The following XKR9 variants were observed in gnomAD, a reference collection of about 807,000 sequenced individuals.
The protein encoded by XKR9 is XK-related protein 9.
XKR9 carries 32 observed loss-of-function variants against 32.0 expected under a neutral mutation model. That is an observed-to-expected ratio of 1.00 (90% CI 0.76 to 1.34). XKR9 has a LOEUF of 1.34. Among genes scored for constraint, XKR9 ranks in the 40% most tolerant of loss-of-function variants. XKR9 has a pLI of 0.00. For missense variants in XKR9, 546 were observed against 429.7 expected, an observed-to-expected ratio of 1.27 and a Z score of -2.39; for synonymous variants, 168 against 143.4, an observed-to-expected ratio of 1.17 and a Z score of -1.22.
the XKR9 span, among the ~76,000 whole-genome samples, chr8:71,006,151 G>A: frequency 6.6e-6 from 1 of 152,200 alleles, no homozygotes; most frequent in African/African-American, 2.4e-5. Context: ...AAATGGCTGG[G>A]AATTGTTAAT....
chr8:70,719,018 G>T (rs748556162), intron 4 of XKR9, among the ~76,000 whole-genome samples: 2 of 152,146 alleles, frequency 1.3e-5, no homozygotes, highest in Non-Finnish European at 2.9e-5. Context: ...TCTAATTGGT[G>T]TGAGTTGGTA....
chr8:70,957,598 A>C, the XKR9 span, among the ~76,000 whole-genome samples: 1 of 151,998 alleles, frequency 6.6e-6, no homozygotes, highest in Non-Finnish European at 1.5e-5. Context: ...ATGTGTTCTC[A>C]TCATTCAGCT....
At chr8:70,687,571 T>G (rs1819348134) in intron 3 of XKR9, among the ~76,000 whole-genome samples, 1 of 151,930 alleles carries the variant, frequency 6.6e-6, no homozygotes. Context: ...GGCCTCAGTA[T>G]GTTGCCCAGG....
chr8:70,779,207 A>C (rs539321086), intron 2 of XKR9, among the ~76,000 whole-genome samples: 1 of 152,264 alleles, frequency 6.6e-6, no homozygotes, highest in South Asian at 2.1e-4. Flanking sequence ...TTCTCAATAG[A>C]TAATCACGTG....
the XKR9 span, among the ~76,000 whole-genome samples, chr8:70,799,325 T>C: frequency 6.6e-6 from 1 of 152,120 alleles, no homozygotes; most frequent in Non-Finnish European, 1.5e-5. Context: ...TGAATGAGAT[T>C]GCATTTATTT....
At chr8:70,726,878 G>GCTC (rs1486482734) in intron 4 of XKR9, among the ~76,000 whole-genome samples, 15 of 152,154 alleles carry the variant, frequency 9.9e-5, no homozygotes, top group African/African-American at 3.4e-4. Context: ...CAATGCTCCT[G>GCTC]CTCCTCCTCT....
At chr8:70,939,112 G>C in the XKR9 span, among the ~76,000 whole-genome samples, 1 of 152,068 alleles carries the variant, frequency 6.6e-6, no homozygotes, top group East Asian at 1.9e-4. Flanking sequence ...ACTGACATGA[G>C]GGTGCCTGCT....
chr8:71,035,996 T>A, the XKR9 span, among the ~76,000 whole-genome samples: 1 of 152,106 alleles, frequency 6.6e-6, no homozygotes, highest in Non-Finnish European at 1.5e-5. Flanking sequence ...TACCATTAGA[T>A]CATACTCTTT....
chr8:70,981,441 T>C, the XKR9 span, among the ~76,000 whole-genome samples: 1 of 152,138 alleles, frequency 6.6e-6, no homozygotes, highest in African/African-American at 2.4e-5. Context: ...GCTGAGACTT[T>C]CCAGGGCATT....
At chr8:71,027,785 G>T in the XKR9 span, among the ~76,000 whole-genome samples, 995 of 149,902 alleles carry the variant, frequency 6.6e-3, 11 homozygotes, top group South Asian at 0.033. Context: ...TTGGCGGGGG[G>T]GGGGGGTCTC....
At chr8:70,948,212 C>T in the XKR9 span, among the ~76,000 whole-genome samples, 1 of 151,816 alleles carries the variant, frequency 6.6e-6, no homozygotes, top group Non-Finnish European at 1.5e-5. Context: ...TGAATCACAA[C>T]AGGCATCATT....
chr8:70,702,409 A>T (rs1805570697), intron 3 of XKR9, among the ~76,000 whole-genome samples: 1 of 152,152 alleles, frequency 6.6e-6, no homozygotes, highest in African/African-American at 2.4e-5. Context: ...TCAGTTATTG[A>T]ACGTAATGTT....
chr8:70,981,514 C>T, the XKR9 span, among the ~76,000 whole-genome samples: 1 of 152,038 alleles, frequency 6.6e-6, no homozygotes, highest in Non-Finnish European at 1.5e-5. Flanking sequence ...TTTATGCTAT[C>T]TATTTCACTG....
chr8:70,793,307 T>C (rs531158347), downstream of XKR9, among the ~76,000 whole-genome samples: 8 of 152,020 alleles, frequency 5.3e-5, no homozygotes, highest in Non-Finnish European at 1.2e-4. Flanking sequence ...TAAGAAGTGA[T>C]TGGGTCATGA....
chr8:70,879,090 A>T, the XKR9 span, among the ~76,000 whole-genome samples: 1 of 152,232 alleles, frequency 6.6e-6, no homozygotes, highest in Non-Finnish European at 1.5e-5. Flanking sequence ...AGAAATAAAG[A>T]TGCTCTTTGA....
chr8:71,008,427 G>T, the XKR9 span, among the ~76,000 whole-genome samples: 1 of 152,136 alleles, frequency 6.6e-6, no homozygotes, highest in Non-Finnish European at 1.5e-5. Flanking sequence ...CTATAAGTTT[G>T]CTGTCATTCT....
the XKR9 span, among the ~76,000 whole-genome samples, chr8:71,010,868 G>A: frequency 6.6e-6 from 1 of 152,172 alleles, no homozygotes; most frequent in Admixed American, 6.5e-5. Flanking sequence ...GAATCTGCAT[G>A]TTACACGAAT....
At chr8:70,956,747 G>A in the XKR9 span, among the ~76,000 whole-genome samples, 1 of 152,212 alleles carries the variant, frequency 6.6e-6, no homozygotes, top group East Asian at 1.9e-4. Context: ...ACCCGGCCAG[G>A]TTATGACAGC....
In XKR9 at chr8:70,779,948, A is replaced by G. The variant is rs1375960192; in HGVS notation, n.353-9391A>G. On this transcript the variant is annotated intron_variant and non_coding_transcript_variant, in intron 2 of 3. Transcript: ENST00000520273. The stretch of plus-strand genomic sequence containing the variant: ...TTTTGAAGGTTTTTTTTGTGTCTCT[A>G]TCTCCTTTAGTTCTGCTCTGATCTT... 4.0e-5 allele frequency among the ~76,000 whole-genome samples: 6 copies of G among 151,742 alleles called. No homozygotes were observed. The East Asian group carries it at 5.8e-4, about 15-fold the overall frequency.
Sources: gnomAD v4.1 joint callset for allele counts (sites outside exome capture counted in the v4.1 genomes callset) on GRCh38, gnomAD v4.1.1 for gene constraint, MANE v1.5 for transcripts, NCBI Gene and HGNC (gene_info 2026-07-23, HGNC 2026-07-21) for gene names.